Variants in PHF20L1 observed in about 807,000 individuals in gnomAD.
PHF20L1 encodes the protein PHD finger protein 20-like protein 1.
A neutral mutation model predicts 125.5 loss-of-function variants in PHF20L1; 44 were observed. The observed-to-expected ratio is 0.35, with a 90% CI of 0.28 to 0.45. PHF20L1 has a LOEUF of 0.45. Ranked by LOEUF, PHF20L1 falls within the 20% of genes least tolerant of loss-of-function variation. PHF20L1 has a pLI of 1.00. For missense variants in PHF20L1, 1,012 were observed against 1,217.2 expected, an observed-to-expected ratio of 0.83 and a Z score of 2.51; for synonymous variants, 380 against 403.1, an observed-to-expected ratio of 0.94 and a Z score of 0.69.
intron 18 of PHF20L1, among the ~76,000 whole-genome samples, chr8:132,840,802 G>T (rs1837856676): frequency 6.6e-6 from 1 of 152,082 alleles, no homozygotes; most frequent in South Asian, 2.1e-4. Context: ...ACTTGTGTCA[G>T]CCACTTTGGT....
intron 4 of PHF20L1, 148 bp downstream of exon 4, chr8:132,794,965 G>A (rs1832209837): frequency 6.7e-6 from 4 of 598,158 alleles, no homozygotes; most frequent in South Asian, 2.3e-5. Flanking sequence ...CATTTGATTT[G>A]TTATGTGTTA....
intron 2 of PHF20L1, among the ~76,000 whole-genome samples, chr8:132,790,812 C>G (rs1050491892): frequency 1.3e-5 from 2 of 152,130 alleles, no homozygotes; most frequent in Non-Finnish European, 2.9e-5. Flanking sequence ...TATATGTCCC[C>G]TAGCAAGTCT....
At chr8:132,844,579 A>G (rs948420436) in intron 20 of PHF20L1, among the ~76,000 whole-genome samples, 1 of 152,124 alleles carries the variant, frequency 6.6e-6, no homozygotes, top group South Asian at 2.1e-4. Context: ...CAGGCTCCAG[A>G]TAGATCACTT....
rs776585504 is a variant in PHF20L1 at position 132,817,499 on chromosome 8, T to A, written c.1533T>A (p.Pro511=). 8 of 1,612,148 alleles carry A rather than the reference T, an allele frequency of 5.0e-6. No individual in the cohort carries two copies. Among genetic ancestry groups the A allele is most frequent in the Non-Finnish European group, 6.8e-6 (8 of 1,179,018 alleles). ...AGGATACACAGATGCTTCCAAATCC[T>A]TCTTCCAAAGCAATAGCTGATGGAA... is the stretch of plus-strand genomic sequence containing the variant. ...EKEDTQMLPN[P]SSKAIADGRG... is the part of the protein sequence containing the mutation. The change falls in exon 12 of 21, where the codon CCT becomes CCA. Residue 511 remains proline (P), a synonymous_variant. Coordinates refer to ENST00000395386, the MANE Select transcript of PHF20L1 (RefSeq NM_016018.5).
intron 18 of PHF20L1, among the ~76,000 whole-genome samples, chr8:132,839,926 A>G (rs1837759756): frequency 6.6e-6 from 1 of 152,112 alleles, no homozygotes; most frequent in African/African-American, 2.4e-5. Context: ...CAGGAATGCT[A>G]TCAAATGAAA....
chr8:132,839,633 T>G (rs189019851), intron 18 of PHF20L1, 51 bp downstream of exon 18: 1 of 1,310,086 alleles, frequency 7.6e-7, no homozygotes, highest in Non-Finnish European at 1.1e-6. Context: ...ACGTTTTAAT[T>G]CAAACCAACA....
chr8:132,783,148 A>G (rs957602499), intron 2 of PHF20L1, among the ~76,000 whole-genome samples: 5 of 152,206 alleles, frequency 3.3e-5, no homozygotes, highest in African/African-American at 1.2e-4. Flanking sequence ...TATAGAGTCA[A>G]TTTAAAACAT....
At chr8:132,807,848 A>G (rs1460315540) in intron 8 of PHF20L1, 2 of 438,694 alleles carry the variant, frequency 4.6e-6, no homozygotes, top group Non-Finnish European at 9.1e-6. Flanking sequence ...TTCTTGAAGC[A>G]GTGTAATGCA....
intron 12 of PHF20L1, 130 bp from the exon 13 acceptor site, chr8:132,823,874 G>A: frequency 1.8e-6 from 1 of 544,072 alleles, no homozygotes; most frequent in East Asian, 3.2e-5. Flanking sequence ...AGTTCAGGCA[G>A]TAAAACATGT....
intron 1 of PHF20L1, among the ~76,000 whole-genome samples, chr8:132,776,489 C>T (rs937605659): frequency 9.9e-5 from 15 of 152,188 alleles, no homozygotes; most frequent in African/African-American, 3.6e-4. Flanking sequence ...CAGCTACACC[C>T]TGGGCAAGCT....
intron 2 of PHF20L1, among the ~76,000 whole-genome samples, chr8:132,787,359 A>G (rs1225064352): frequency 3.3e-5 from 5 of 152,102 alleles, no homozygotes; most frequent in South Asian, 4.1e-4. Context: ...AAAAGAGAAG[A>G]CATAGCTAAT....
intron 17 of PHF20L1, 120 bp downstream of exon 17, chr8:132,837,931 G>A: frequency 1.5e-6 from 1 of 683,540 alleles, no homozygotes; most frequent in Non-Finnish European, 2.6e-6. Flanking sequence ...TCATTGATAG[G>A]TTCTTGGAAA....
At chr8:132,790,357 T>C (rs1158126200) in intron 2 of PHF20L1, among the ~76,000 whole-genome samples, 1 of 152,226 alleles carries the variant, frequency 6.6e-6, no homozygotes, top group Non-Finnish European at 1.5e-5. Context: ...TAAATTACCA[T>C]TTAATGCATT....
intron 15 of PHF20L1, among the ~76,000 whole-genome samples, chr8:132,835,113 C>A (rs181838145): frequency 1.3e-5 from 2 of 152,210 alleles, no homozygotes; most frequent in East Asian, 3.9e-4. Context: ...AGAAAATATT[C>A]TCTCTCTGAC....
intron 9 of PHF20L1, 78 bp from the exon 10 acceptor site, chr8:132,814,559 C>T (rs1834756959): frequency 1.0e-6 from 1 of 994,688 alleles, no homozygotes; most frequent in Non-Finnish European, 1.4e-6. Flanking sequence ...ACTAAAGTTG[C>T]TTAACAGTCA....
intron 9 of PHF20L1, among the ~76,000 whole-genome samples, chr8:132,814,175 T>C (rs2956367): frequency 6.6e-6 from 1 of 151,958 alleles, no homozygotes; most frequent in Non-Finnish European, 1.5e-5. Context: ...GGAATCTGTC[T>C]ACTTAGACCT....
chr8:132,782,668 G>T (rs1830562881), intron 2 of PHF20L1, among the ~76,000 whole-genome samples: 1 of 151,968 alleles, frequency 6.6e-6, no homozygotes, highest in South Asian at 2.1e-4. Context: ...GCAGCCTGCA[G>T]CCTTTACCTC....
At position 132,845,828 on chromosome 8, in the gene PHF20L1, C is replaced by T. The variant is rs935284034; in HGVS notation, c.2959C>T (p.Pro987Ser). 79 of 1,609,776 alleles carry T rather than the reference C, an allele frequency of 4.9e-5. No individual in the cohort carries two copies. Among genetic ancestry groups the T allele is most frequent in the Non-Finnish European group, 6.6e-5 (78 of 1,176,388 alleles). ...CACAGGGGAGTTGGAGCCACCAGAT[C>T]CTCTTGCAAGATTGCCCCAACTTAA... The part of the protein sequence containing the change: ...DFTGELEPPD[P>S]LARLPQLKRH... The change falls in exon 21 of 21, where the codon CCT (proline) becomes TCT (serine). Residue 987 changes from proline to serine, a missense_variant. By Grantham distance (74) the Pro-to-Ser change is moderately conservative. Around this residue, in one of 7 missense-constraint regions of PHF20L1, gnomAD observed 277 missense variants for 283.6 expected, o/e 0.98. Transcript: ENST00000395386.
At chr8:132,808,154 A>G (rs1269784509) in intron 8 of PHF20L1, 1 of 152,444 alleles carries the variant, frequency 6.6e-6, no homozygotes, top group African/African-American at 2.4e-5. Context: ...AAAGCATGAA[A>G]AAACTTTATT....
Sources: gnomAD v4.1 joint callset for allele counts (sites outside exome capture counted in the v4.1 genomes callset) on GRCh38, gnomAD v4.1.1 for gene constraint, gnomAD v4.1.1 regional missense constraint, MANE v1.5 for transcripts, NCBI Gene and HGNC (gene_info 2026-07-23, HGNC 2026-07-21) for gene names.